Variants in UPF3A observed in about 807,000 individuals in gnomAD.
The protein encoded by UPF3A is UPF3A regulator of nonsense mediated mRNA decay.
In UPF3A, 42 loss-of-function variants were observed where a neutral mutation model predicts 53.5. The observed-to-expected ratio is 0.78, with a 90% CI of 0.61 to 1.01. The LOEUF is 1.01. Among genes scored for constraint, UPF3A ranks in the 50% least tolerant of loss-of-function variants. The pLI, the probability that UPF3A is intolerant of heterozygous loss-of-function variation, is 0.00. For synonymous variants in UPF3A, 237 were observed against 225.3 expected, an observed-to-expected ratio of 1.05 and a Z score of -0.47; for missense variants, 575 against 598.0, an observed-to-expected ratio of 0.96 and a Z score of 0.40.
At chr13:114,283,066 A>G in intron 3 of UPF3A, 123 bp downstream of exon 3, 1 of 755,110 alleles carries the variant, frequency 1.3e-6, no homozygotes, top group South Asian at 1.9e-5. Context: ...TCTGTTGCCC[A>G]GGCTGGAGTG....
chr13:114,292,720 A>C (rs1029516613), intron 7 of UPF3A, among the ~76,000 whole-genome samples: 2 of 152,072 alleles, frequency 1.3e-5, no homozygotes, highest in African/African-American at 4.8e-5. Flanking sequence ...TGTGCAGATA[A>C]TTTTGTTGCC....
intron 9 of UPF3A, among the ~76,000 whole-genome samples, chr13:114,302,324 G>A (rs1256700557): frequency 6.6e-6 from 1 of 152,184 alleles, no homozygotes; most frequent in Admixed American, 6.5e-5. Context: ...AGGAAGGAAA[G>A]TTTTAATGAT....
At chr13:114,282,160 C>T (rs2084133016) in intron 2 of UPF3A, 33 bp downstream of exon 2, 2 of 1,512,258 alleles carry the variant, frequency 1.3e-6, no homozygotes, top group Non-Finnish European at 8.9e-7. Context: ...GAAGAGAGGG[C>T]GGAACCCAGA....
chr13:114,303,042 G>C (rs1031610246), intron 9 of UPF3A, among the ~76,000 whole-genome samples: 1 of 152,178 alleles, frequency 6.6e-6, no homozygotes, highest in Non-Finnish European at 1.5e-5. Context: ...GGAGGTTGCA[G>C]TGAGCCAAGA....
At chr13:114,289,907 G>A in intron 5 of UPF3A, among the ~76,000 whole-genome samples, 1 of 152,250 alleles carries the variant, frequency 6.6e-6, no homozygotes, top group East Asian at 1.9e-4. Flanking sequence ...GAAGAGGAAG[G>A]TGGGCAAGCG....
rs759940081 is a variant in UPF3A, at chr13:114,301,832, G to A, written c.1109G>A (p.Arg370Lys). The change falls in exon 9 of 10, where the codon AGA (arginine) becomes AAA (lysine). Residue 370 changes from arginine to lysine, a missense_variant. By Grantham distance (26) the Arg-to-Lys change is conservative. Around this residue, in one of 2 missense-constraint regions of UPF3A, gnomAD observed 323 missense variants for 415.2 expected, o/e 0.78. Coordinates refer to ENST00000375299, the MANE Select transcript of UPF3A (RefSeq NM_023011.4). ...CATGTGGATGACGGCAGGAGGCACA[G>A]AGCTCACCACGAGCCTGAACGGCTT... ...RYHVDDGRRHRAHHEPERLSR... is the reference protein window; with the variant it reads ...RYHVDDGRRHKAHHEPERLSR... 3.1e-6 allele frequency: 5 copies of A among 1,613,698 alleles called. No individual in the cohort carries two copies. The highest frequency in any genetic ancestry group is 4.2e-6 in the Non-Finnish European group (5 of 1,179,926).
intron 8 of UPF3A, among the ~76,000 whole-genome samples, chr13:114,301,229 A>C (rs2086574740): frequency 6.6e-6 from 1 of 152,148 alleles, no homozygotes; most frequent in African/African-American, 2.4e-5. Context: ...TGGGAGGCCA[A>C]GATGGGCATA....
intron 7 of UPF3A, 117 bp downstream of exon 7, chr13:114,291,909 G>A (rs1445141843): frequency 6.5e-5 from 85 of 1,297,770 alleles, no homozygotes; most frequent in Non-Finnish European, 8.5e-5. Flanking sequence ...CTAATATTGT[G>A]TTGTTATTTT....
Position 114,291,748 on chromosome 13 carries a change from A to G in UPF3A, c.802A>G (p.Thr268Ala), listed in dbSNP as rs1166758574. 1 of 1,592,118 alleles carries G rather than the reference A, an allele frequency of 6.3e-7. No individual in the cohort carries two copies. The highest frequency in any genetic ancestry group is 1.7e-5 in the Admixed American group (1 of 57,236). Reference sequence around the variant, plus strand: ...AGAAGAAAGATGCAAAAAAAAAGAGACAGATAAACAGAAGAAAATTGCAGA... The same window carrying G: ...AGAAGAAAGATGCAAAAAAAAAGAGGCAGATAAACAGAAGAAAATTGCAGA... ...REEERCKKKE[T>A]DKQKKIAEKE... Residue 268 changes from threonine (T) to alanine (A), a missense_variant, in exon 7 of 10, where the codon ACA (threonine) becomes GCA (alanine). Transcript: ENST00000375299.
chr13:114,302,776 T>G (rs1391307439), intron 9 of UPF3A, among the ~76,000 whole-genome samples: 1 of 152,224 alleles, frequency 6.6e-6, no homozygotes, highest in Non-Finnish European at 1.5e-5. Flanking sequence ...CCTTCCAGGT[T>G]GTTGTGTGTA....
intron 2 of UPF3A, chr13:114,282,364 TAGGAA>T: frequency 9.2e-7 from 1 of 1,090,378 alleles, no homozygotes; most frequent in Non-Finnish European, 1.2e-6. Flanking sequence ...GGCTAACGCT[TAGGAA>T]AGCGGGTGCC....
In UPF3A at chr13:114,305,583, T is replaced by C. The variant is rs2086945886; in HGVS notation, c.*666T>C. On this transcript the variant is annotated 3_prime_UTR_variant, in exon 10 of 10. Transcript: ENST00000375299. ...AACCATTACGGTTTAAACCATGGTT[T>C]AAGAATTTGCCCAAATAACAGAAAT... 1 of 153,328 alleles carries C rather than the reference T, an allele frequency of 6.5e-6. No homozygotes were observed. Among genetic ancestry groups the C allele is most frequent in the African/African-American group, 2.4e-5 (1 of 41,442 alleles). 9.5% of individuals were successfully genotyped at this position (153,328 alleles called of 1,614,324 possible).
At chr13:114,296,806 G>T (rs748047950) in intron 7 of UPF3A, among the ~76,000 whole-genome samples, 8 of 152,144 alleles carry the variant, frequency 5.3e-5, no homozygotes, top group Non-Finnish European at 1.2e-4. Flanking sequence ...GTGTCGGAGG[G>T]GTGGTATTGA....
chr13:114,294,048 T>A (rs1292246913), intron 7 of UPF3A, among the ~76,000 whole-genome samples: 1 of 151,564 alleles, frequency 6.6e-6, no homozygotes, highest in Non-Finnish European at 1.5e-5. Context: ...CCTCCCAAAG[T>A]TTGGGGATTA....
Position 114,281,818 on chromosome 13 carries a change from G to T in UPF3A, c.179G>T (p.Arg60Leu). The change falls in exon 1 of 10, where the codon CGC (arginine) becomes CTC (leucine). Residue 60 changes from arginine (R) to leucine (L), a missense_variant. Transcript: ENST00000375299. Reference sequence around the variant, plus strand: ...TGCGGGGGCGGTGCGGGCAAACCTCGCGAGGAGAAGAGGACGGCCCTGAGC... The same window carrying T: ...TGCGGGGGCGGTGCGGGCAAACCTCTCGAGGAGAAGAGGACGGCCCTGAGC... ...SGCGGGAGKP[R>L]EEKRTALSKV... 3 of 1,546,364 alleles carry T rather than the reference G, an allele frequency of 1.9e-6. No individual in the cohort carries two copies. The highest frequency in any genetic ancestry group is 2.6e-6 in the Non-Finnish European group (3 of 1,144,216).
Position 114,282,220 on chromosome 13 carries a change from C to G in UPF3A, c.314+93C>G, listed in dbSNP as rs1036122212. ...TGCCTTACGTTCCTTACCCTGATTT[C>G]TCCTATATGGGAGTCGTGTGAGCTT... On this transcript the variant is annotated intron_variant, in intron 2 of 9. Transcript: ENST00000375299. 7.2e-5 allele frequency: 80 copies of G among 1,114,956 alleles called. 1 individual carries two copies. The highest frequency in any genetic ancestry group is 1.0e-4 in the Non-Finnish European group (80 of 796,424). The allele number at this position is 1,114,956 out of a possible 1,614,324, so 69.1% of individuals were successfully genotyped here.
intron 7 of UPF3A, among the ~76,000 whole-genome samples, chr13:114,295,602 C>T (rs1047560376): frequency 1.3e-5 from 2 of 152,246 alleles, no homozygotes; most frequent in Non-Finnish European, 2.9e-5. Context: ...TCCTGCGTCT[C>T]TGATGCTTTA....
chr13:114,304,691 G>C (rs987940421), intron 9 of UPF3A, 98 bp from the exon 10 acceptor site: 4 of 1,490,596 alleles, frequency 2.7e-6, no homozygotes, highest in Non-Finnish European at 3.6e-6. Flanking sequence ...GATTTTCTTT[G>C]GACAATTCAT....
In UPF3A at chr13:114,304,964, A is replaced by G; in HGVS notation, c.*47A>G. ...CCATGGACGAGCAAGGGCATCCCAGAAACGTGTAAATGACCCCGAGTGTGA... is the reference window on the plus strand; with the variant it reads ...CCATGGACGAGCAAGGGCATCCCAGGAACGTGTAAATGACCCCGAGTGTGA... On this transcript the variant is annotated 3_prime_UTR_variant, in exon 10 of 10. Transcript: ENST00000375299. 1 of 1,585,350 alleles carries G rather than the reference A, an allele frequency of 6.3e-7. No individual in the cohort carries two copies. The highest frequency in any genetic ancestry group is 1.8e-5 in the Admixed American group (1 of 54,844).
Sources: allele counts gnomAD v4.1 joint callset (sites outside exome capture counted in the v4.1 genomes callset), GRCh38; gene constraint gnomAD v4.1.1; regional missense constraint gnomAD v4.1.1; transcripts MANE v1.5; gene names NCBI Gene and HGNC (gene_info 2026-07-23, HGNC 2026-07-21).